Variants in TXNRD1 observed in about 807,000 individuals in gnomAD.
The protein encoded by TXNRD1 is thioredoxin reductase 1, cytoplasmic.
In TXNRD1, 57 loss-of-function variants were observed where a neutral mutation model predicts 80.3. The ratio of observed to expected loss-of-function variants is 0.71; its 90% CI spans 0.57 to 0.89. TXNRD1 has a LOEUF of 0.89. TXNRD1 is among the 40% of genes least tolerant of loss of function. The pLI is 0.00. For missense variants in TXNRD1, 730 were observed against 803.0 expected (o/e 0.91, Z 1.10); for synonymous variants, 291 against 285.2 (o/e 1.02, Z -0.20).
intron 4 of TXNRD1, among the ~76,000 whole-genome samples, chr12:104,307,846 A>G (rs1156822033): frequency 6.6e-6 from 1 of 152,204 alleles, no homozygotes; most frequent in African/African-American, 2.4e-5. Context: ...AAGGAAGGCT[A>G]TCTAATGTGT....
chr12:104,325,837 A>C (rs1593847546), intron 11 of TXNRD1, among the ~76,000 whole-genome samples: 1 of 150,044 alleles, frequency 6.7e-6, no homozygotes, highest in East Asian at 2.0e-4. Flanking sequence ...GTGCCACTGC[A>C]CTCCAGCCTG....
chr12:104,272,740 C>A (rs12305918), intron 3 of TXNRD1, among the ~76,000 whole-genome samples: 12,239 of 151,134 alleles, frequency 0.081, 748 homozygotes, highest in African/African-American at 0.17. Context: ...TGCAGTGAGC[C>A]CAGATCGCAC....
rs541766682 is a variant in TXNRD1, at chr12:104,248,890, G to A, written c.92-2637G>A. On this transcript the variant is annotated intron_variant, in intron 1 of 16. Transcript: ENST00000525566. ...ACCTGGGCTGGAGTGCACGATCTCG[G>A]CTCACTGCAACCTCCCCCGCCCAGG... Among the ~76,000 whole-genome samples the A allele has an allele frequency of 1.6e-3, 240 of 152,012 alleles. 1 individual carries two copies. The highest frequency in any genetic ancestry group is 5.4e-3 in the African/African-American group (222 of 41,434).
chr12:104,309,530 T>C (rs1475879660), intron 4 of TXNRD1, among the ~76,000 whole-genome samples: 2 of 152,210 alleles, frequency 1.3e-5, no homozygotes, highest in African/African-American at 4.8e-5. Flanking sequence ...CAGCCAGTTA[T>C]TGTGTTCTGT....
At chr12:104,306,152 C>T (rs889434550) in intron 4 of TXNRD1, among the ~76,000 whole-genome samples, 5 of 152,118 alleles carry the variant, frequency 3.3e-5, no homozygotes, top group African/African-American at 1.2e-4. Context: ...GATCCACCCG[C>T]CTCGGCCTCC....
rs903013554 is a variant in TXNRD1, at chr12:104,304,815, G to A, written c.415-6475G>A. On this transcript the variant is annotated intron_variant, in intron 4 of 16. Coordinates refer to ENST00000525566, the MANE Select transcript of TXNRD1 (RefSeq NM_001093771.3). ...ATGAATGTTAACCAAATGGGTGAGGGAAATGATTCCAGTTGCCATGGCAGG... is the reference window on the plus strand; with the variant it reads ...ATGAATGTTAACCAAATGGGTGAGGAAAATGATTCCAGTTGCCATGGCAGG... 1.9e-6 allele frequency: 3 copies of A among 1,613,898 alleles called. No homozygotes were observed. The South Asian group carries it at 3.3e-5, about 18-fold the overall frequency.
chr12:104,245,517 CAAAAAAAAA>C (rs10622971), intron 1 of TXNRD1, among the ~76,000 whole-genome samples: 63 of 29,264 alleles, frequency 2.2e-3, no homozygotes, highest in South Asian at 9.5e-3. Context: ...AACTCCATCT[CAAAAAAAAA>C]AAAAAAAAAA....
chr12:104,224,360 G>A (rs1353946162), intron 1 of TXNRD1, among the ~76,000 whole-genome samples: 1 of 151,872 alleles, frequency 6.6e-6, no homozygotes, highest in Non-Finnish European at 1.5e-5. Context: ...ATTAGACTGG[G>A]CTCCTGGGGG....
At chr12:104,269,964 G>A (rs1348814197) in intron 3 of TXNRD1, among the ~76,000 whole-genome samples, 1 of 152,022 alleles carries the variant, frequency 6.6e-6, no homozygotes, top group Non-Finnish European at 1.5e-5. Flanking sequence ...TCCTACGTTG[G>A]CCTCCCAAAG....
intron 16 of TXNRD1, among the ~76,000 whole-genome samples, chr12:104,343,589 C>T (rs2036395394): frequency 6.6e-6 from 1 of 152,070 alleles, no homozygotes; most frequent in Non-Finnish European, 1.5e-5. Context: ...CACTTGAAGC[C>T]CGGAGTTTGA....
chr12:104,326,860 G>C (rs2035784283), intron 12 of TXNRD1, among the ~76,000 whole-genome samples: 1 of 151,694 alleles, frequency 6.6e-6, no homozygotes, highest in South Asian at 2.1e-4. Context: ...TTTTGAGACA[G>C]AGTCTCGCTC....
intron 16 of TXNRD1, 102 bp downstream of exon 16, chr12:104,339,375 G>A (rs759433602): frequency 1.3e-6 from 2 of 1,511,082 alleles, no homozygotes; most frequent in Admixed American, 1.7e-5. Flanking sequence ...TGAGTTTGAT[G>A]ATGATTCCTC....
intron 4 of TXNRD1, chr12:104,305,110 C>A (rs924548969): frequency 2.9e-4 from 185 of 632,426 alleles, no homozygotes; most frequent in Non-Finnish European, 4.1e-4. Context: ...AGGTCATGAT[C>A]TTCTGTTATT....
intron 4 of TXNRD1, among the ~76,000 whole-genome samples, chr12:104,309,239 T>C (rs539880097): frequency 6.6e-6 from 1 of 152,290 alleles, no homozygotes; most frequent in East Asian, 1.9e-4. Flanking sequence ...ATGCTTCAAT[T>C]GCCTGTGTCT....
At chr12:104,236,052 G>A (rs1194688297) in intron 1 of TXNRD1, among the ~76,000 whole-genome samples, 1 of 152,184 alleles carries the variant, frequency 6.6e-6, no homozygotes, top group East Asian at 1.9e-4. Context: ...GTAGCCTCCA[G>A]CTGCAGGCTC....
At chr12:104,229,156 T>C (rs1311540880) in intron 1 of TXNRD1, among the ~76,000 whole-genome samples, 1 of 148,906 alleles carries the variant, frequency 6.7e-6, no homozygotes, top group Non-Finnish European at 1.5e-5. Context: ...TTTTTTTTTT[T>C]TTTTTTTTTG....
chr12:104,324,051 G>A (rs2035664041), intron 10 of TXNRD1, among the ~76,000 whole-genome samples: 1 of 152,162 alleles, frequency 6.6e-6, no homozygotes, highest in Non-Finnish European at 1.5e-5. Flanking sequence ...TGTGTACAAA[G>A]GCTCTGTGGG....
intron 12 of TXNRD1, among the ~76,000 whole-genome samples, chr12:104,326,714 C>T (rs2035778763): frequency 6.6e-6 from 1 of 152,160 alleles, no homozygotes; most frequent in African/African-American, 2.4e-5. Context: ...GATCCACCTG[C>T]CTTGGCCTCC....
intron 3 of TXNRD1, chr12:104,265,839 G>A (rs1565869028): frequency 7.0e-7 from 1 of 1,429,358 alleles, no homozygotes; most frequent in Non-Finnish European, 9.6e-7. Flanking sequence ...CCTTCTTCTA[G>A]GTGCAGGGCC....
Sources: allele counts gnomAD v4.1 joint callset (sites outside exome capture counted in the v4.1 genomes callset), GRCh38; gene constraint gnomAD v4.1.1; transcripts MANE v1.5; gene names NCBI Gene and HGNC (gene_info 2026-07-23, HGNC 2026-07-21).